Variants in HDAC9 observed in about 807,000 individuals in gnomAD.
HDAC9 encodes the protein MEF-2 interacting transcription repressor (MITR) protein.
In HDAC9, 41 loss-of-function variants were observed where a neutral mutation model predicts 139.4. The ratio of observed to expected loss-of-function variants is 0.29; its 90% CI spans 0.23 to 0.38. HDAC9 has a LOEUF of 0.38. Ranked by LOEUF, HDAC9 falls within the 10% of genes least tolerant of loss-of-function variation. The pLI is 1.00. For missense variants in HDAC9, 1,147 were observed against 1,297.0 expected (o/e 0.88, Z 1.78); for synonymous variants, 517 against 476.2 (o/e 1.09, Z -1.12).
intron 1 of HDAC9, among the ~76,000 whole-genome samples, chr7:18,149,704 C>T (rs1786622020): frequency 6.6e-6 from 1 of 151,540 alleles, no homozygotes; most frequent in Non-Finnish European, 1.5e-5. Flanking sequence ...GTGCCCACCA[C>T]CACGCCCAAC....
chr7:18,408,975 G>T (rs962394466), intron 1 of HDAC9, among the ~76,000 whole-genome samples: 2 of 152,084 alleles, frequency 1.3e-5, no homozygotes, highest in South Asian at 4.1e-4. Context: ...AATCAAATCC[G>T]TTTTTAGACT....
intron 13 of HDAC9, among the ~76,000 whole-genome samples, chr7:18,729,139 A>G (rs1320303986): frequency 6.6e-6 from 1 of 152,176 alleles, no homozygotes; most frequent in Non-Finnish European, 1.5e-5. Context: ...TTGCATGTAG[A>G]AAGAGCAATA....
rs962969961 is a variant in HDAC9 at position 19,001,690 on chromosome 7, G to A, written c.*5628G>A. 5.9e-5 allele frequency: 9 copies of A among 151,970 alleles called. No individual in the cohort carries two copies. The highest frequency in any genetic ancestry group is 2.2e-4 in the African/African-American group (9 of 41,408). 9.4% of individuals were successfully genotyped at this position (151,970 alleles called of 1,614,324 possible). The stretch of plus-strand genomic sequence containing the variant: ...ATAGTCTCAAATTCTTTCTGGGGAA[G>A]CAACGTCAGTGTCTACCTCCACAGT... On this transcript the variant is annotated 3_prime_UTR_variant, in exon 26 of 26. Coordinates refer to ENST00000686413, the MANE Select transcript of HDAC9 (RefSeq NM_178425.4).
At chr7:18,122,521 TA>T (rs545474384) in intron 1 of HDAC9, among the ~76,000 whole-genome samples, 4 of 152,218 alleles carry the variant, frequency 2.6e-5, no homozygotes, top group South Asian at 2.1e-4. Flanking sequence ...AAGAAATGGA[TA>T]TTTTTTTTGA....
intron 2 of HDAC9, among the ~76,000 whole-genome samples, chr7:18,177,955 G>C (rs894914243): frequency 6.7e-6 from 1 of 150,154 alleles, no homozygotes; most frequent in African/African-American, 2.5e-5. Flanking sequence ...TATGTGTCAT[G>C]AATCATATCC....
intron 2 of HDAC9, among the ~76,000 whole-genome samples, chr7:18,537,779 A>T (rs1437710129): frequency 3.3e-5 from 5 of 152,200 alleles, no homozygotes. Context: ...TTCCAGAGAG[A>T]TGTAGCTAAT....
intron 1 of HDAC9, among the ~76,000 whole-genome samples, chr7:18,372,171 C>A (rs1185763313): frequency 6.6e-6 from 1 of 152,162 alleles, no homozygotes; most frequent in Non-Finnish European, 1.5e-5. Context: ...TGAAAGTTTC[C>A]CAGGTGATTC....
intron 2 of HDAC9, among the ~76,000 whole-genome samples, chr7:18,257,271 A>C (rs752888198): frequency 1.7e-5 from 1 of 57,390 alleles, no homozygotes; most frequent in Admixed American, 2.8e-4. Context: ...GCTCAGGAGG[A>C]GGATCGCTTG....
intron 1 of HDAC9, among the ~76,000 whole-genome samples, chr7:18,120,099 G>A (rs1400251591): frequency 6.6e-6 from 1 of 152,050 alleles, no homozygotes; most frequent in African/African-American, 2.4e-5. Context: ...TTTACTACTG[G>A]GTAGAAAAGT....
chr7:18,722,212 G>A (rs944537806), intron 12 of HDAC9, among the ~76,000 whole-genome samples: 2 of 152,046 alleles, frequency 1.3e-5, no homozygotes, highest in Non-Finnish European at 2.9e-5. Flanking sequence ...GTCCCCAGGT[G>A]AATCAGCTGA....
chr7:18,758,788 ATTT>A (rs34349667), intron 14 of HDAC9, among the ~76,000 whole-genome samples: 11,118 of 144,556 alleles, frequency 0.077, 614 homozygotes, highest in East Asian at 0.24. Context: ...AGGTAGAAAC[ATTT>A]TTTTTTTTTT....
intron 2 of HDAC9, chr7:18,517,537 C>T (rs1803628592): frequency 6.6e-6 from 1 of 152,148 alleles, no homozygotes; most frequent in Non-Finnish European, 1.5e-5. Context: ...CATAGTTCTT[C>T]TATACATTCA....
intron 21 of HDAC9, among the ~76,000 whole-genome samples, chr7:18,860,497 A>T (rs1355039880): frequency 6.6e-6 from 1 of 152,196 alleles, no homozygotes; most frequent in Non-Finnish European, 1.5e-5. Flanking sequence ...GGATTATGTT[A>T]TTCTTTAAAT....
chr7:18,831,851 T>TG (rs1795879860), intron 19 of HDAC9, among the ~76,000 whole-genome samples: 1 of 151,958 alleles, frequency 6.6e-6, no homozygotes, highest in Non-Finnish European at 1.5e-5. Context: ...TAATGTTAGC[T>TG]GGGGGGTGTG....
At chr7:18,461,767 T>A (rs540270709) in intron 1 of HDAC9, among the ~76,000 whole-genome samples, 1 of 152,296 alleles carries the variant, frequency 6.6e-6, no homozygotes, top group East Asian at 1.9e-4. Flanking sequence ...TTAGATTTTT[T>A]AAATAAACAT....
intron 12 of HDAC9, among the ~76,000 whole-genome samples, chr7:18,694,284 G>A (rs1389518428): frequency 6.6e-6 from 1 of 152,110 alleles, no homozygotes; most frequent in East Asian, 1.9e-4. Context: ...GAGGCAAAGG[G>A]TTAATTGTCA....
intron 2 of HDAC9, among the ~76,000 whole-genome samples, chr7:18,536,470 A>G (rs1387304876): frequency 6.6e-6 from 1 of 152,238 alleles, no homozygotes; most frequent in African/African-American, 2.4e-5. Context: ...GGACATTATT[A>G]TATGTACAAA....
At chr7:18,552,774 A>T (rs1241073033) in intron 2 of HDAC9, among the ~76,000 whole-genome samples, 1 of 152,230 alleles carries the variant, frequency 6.6e-6, no homozygotes, top group African/African-American at 2.4e-5. Flanking sequence ...GATGTGGTCT[A>T]GAAGCAATTG....
intron 23 of HDAC9, among the ~76,000 whole-genome samples, chr7:18,951,745 T>A (rs1455113302): frequency 6.7e-6 from 1 of 148,828 alleles, no homozygotes; most frequent in Non-Finnish European, 1.5e-5. Context: ...TTATAAAAAA[T>A]GAATATTTAA....
Sources: gnomAD v4.1 joint callset for allele counts (sites outside exome capture counted in the v4.1 genomes callset) on GRCh38, gnomAD v4.1.1 for gene constraint, MANE v1.5 for transcripts, NCBI Gene and HGNC (gene_info 2026-07-23, HGNC 2026-07-21) for gene names.